The following RAI1 variants were observed in gnomAD, a reference collection of about 807,000 sequenced individuals.
RAI1 encodes retinoic acid induced 1.
A neutral mutation model predicts 123.8 loss-of-function variants in RAI1; 9 were observed. The observed-to-expected ratio is 0.07, with a 90% CI of 0.04 to 0.13. RAI1 has a LOEUF of 0.13. Ranked by LOEUF, RAI1 falls within the 10% of genes least tolerant of loss-of-function variation. RAI1 has a pLI of 1.00. For missense variants in RAI1, 2,256 were observed against 2,545.8 expected (o/e 0.89, Z 2.45); for synonymous variants, 1,231 against 1,127.3 (o/e 1.09, Z -1.84).
At chr17:17,756,128 G>C (rs1397358550) in intron 2 of RAI1, among the ~76,000 whole-genome samples, 1 of 152,174 alleles carries the variant, frequency 6.6e-6, no homozygotes, top group Non-Finnish European at 1.5e-5. Flanking sequence ...GAGTTCTGGA[G>C]CCTGCGAAAC....
At position 17,810,315 on chromosome 17, in the gene RAI1, A is replaced by T. The variant is rs1444873717; in HGVS notation, c.*334A>T. ...GCTCAGCCTCCGGCGAGGGTGGGAG[A>T]CGGCTTTGTCCTGGGGACACTTTCC... On this transcript the variant is annotated 3_prime_UTR_variant, in exon 6 of 6. Transcript: ENST00000353383. This position sits in a 1 kb window ranked among gnomAD's most constrained non-coding sequence, Gnocchi z 4.6. 4.7e-6 allele frequency: 2 copies of T among 425,702 alleles called. No individual in the cohort carries two copies. Among genetic ancestry groups the T allele is most frequent in the East Asian group, 8.3e-5 (2 of 24,168 alleles). 26.4% of individuals were successfully genotyped at this position (425,702 alleles called of 1,614,324 possible).
chr17:17,687,936 A>T (rs903948139), intron 1 of RAI1, among the ~76,000 whole-genome samples: 1 of 151,332 alleles, frequency 6.6e-6, no homozygotes, highest in African/African-American at 2.4e-5. Context: ...AGGCTGAGGC[A>T]CGAGAATCAC....
At chr17:17,709,977 A>G (rs1456462429) in intron 1 of RAI1, among the ~76,000 whole-genome samples, 2 of 152,058 alleles carry the variant, frequency 1.3e-5, no homozygotes. Flanking sequence ...TTCACAGTAC[A>G]CGGACATGCT....
At chr17:17,682,246 C>G (rs1022788566) in intron 1 of RAI1, among the ~76,000 whole-genome samples, 2 of 151,928 alleles carry the variant, frequency 1.3e-5, no homozygotes, top group Admixed American at 6.6e-5. Context: ...CTTCCCCATG[C>G]GTGACCCGGG....
At chr17:17,802,032 G>A (rs1031000916) in intron 3 of RAI1, 16 of 468,954 alleles carry the variant, frequency 3.4e-5, no homozygotes, top group Admixed American at 1.9e-4. Flanking sequence ...CTCACCCCCC[G>A]CCCCCAGCAC....
At position 17,798,489 on chromosome 17, in the gene RAI1, G is replaced by C. The variant is rs754065739; in HGVS notation, c.5541G>C (p.Glu1847Asp). The change falls in exon 3 of 6, where the codon GAG becomes GAC. Residue 1847 changes from glutamate (E) to aspartate (D), a missense_variant. By Grantham distance (45) the Glu-to-Asp change is conservative. Around this residue, in one of 7 missense-constraint regions of RAI1, gnomAD observed 243 missense variants for 316.6 expected, o/e 0.77. Transcript: ENST00000353383. ...CCGGGAAGCTCTTTGGGCTGCAGGA[G>C]GCCATGAAGGTGGCCGTGGACATGG... ...LVAGKLFGLQ[E>D]AMKVAVDMMC... 6.2e-7 allele frequency: 1 copy of C among 1,602,730 alleles called. No homozygotes were observed. The highest frequency in any genetic ancestry group is 8.5e-7 in the Non-Finnish European group (1 of 1,179,898).
chr17:17,768,100 C>T (rs1734302568), intron 2 of RAI1, among the ~76,000 whole-genome samples: 1 of 152,226 alleles, frequency 6.6e-6, no homozygotes. Flanking sequence ...TTGCTGGTAT[C>T]TGTGATGTCA....
intron 2 of RAI1, among the ~76,000 whole-genome samples, chr17:17,738,579 C>G (rs1274482312): frequency 6.6e-6 from 1 of 152,194 alleles, no homozygotes; most frequent in African/African-American, 2.4e-5. Context: ...CTGGGAGAAG[C>G]CATGGGCTTG....
intron 4 of RAI1, among the ~76,000 whole-genome samples, chr17:17,806,297 T>C (rs1427460012): frequency 6.6e-6 from 1 of 152,224 alleles, no homozygotes; most frequent in Non-Finnish European, 1.5e-5. Flanking sequence ...GCAAGAGAAC[T>C]TTTATTTCAG....
intron 2 of RAI1, among the ~76,000 whole-genome samples, chr17:17,781,015 A>G (rs996798513): frequency 2.0e-5 from 3 of 152,058 alleles, no homozygotes; most frequent in Admixed American, 6.5e-5. Context: ...GGAACCTGCC[A>G]GGCTTCTTAC....
At position 17,795,812 on chromosome 17, in the gene RAI1, G is replaced by C; in HGVS notation, c.2864G>C (p.Gly955Ala). ...SLSHMKPGEEGPDGERAPGDS... is the reference protein window; with the variant it reads ...SLSHMKPGEEAPDGERAPGDS... The stretch of plus-strand genomic sequence containing the variant: ...TCACACATGAAGCCAGGTGAAGAGG[G>C]GCCTGATGGGGAGCGAGCTCCAGGG... Residue 955 changes from glycine to alanine, a missense_variant, in exon 3 of 6, where the codon GGG becomes GCG. This residue lies in a region of RAI1 where 566 missense variants were observed against 616.0 expected (regional missense o/e 0.92). Transcript: ENST00000353383. This position sits in a 1 kb window ranked among gnomAD's most constrained non-coding sequence, Gnocchi z 5.9. 6.2e-7 allele frequency: 1 copy of C among 1,613,632 alleles called. No homozygotes were observed.
At chr17:17,805,029 A>G (rs2032568724) in intron 4 of RAI1, among the ~76,000 whole-genome samples, 1 of 151,832 alleles carries the variant, frequency 6.6e-6, no homozygotes, top group Non-Finnish European at 1.5e-5. Flanking sequence ...CGCTCAGCTA[A>G]TTTTTGTATT....
chr17:17,804,474 T>A (rs1171705037), intron 4 of RAI1, among the ~76,000 whole-genome samples: 2 of 152,246 alleles, frequency 1.3e-5, no homozygotes, highest in African/African-American at 4.8e-5. Flanking sequence ...GTGCATGGGC[T>A]GGAGCCACCC....
At position 17,797,967 on chromosome 17, in the gene RAI1, G is replaced by A. The variant is rs550469190; in HGVS notation, c.5019G>A (p.Gly1673=). Residue 1673 remains glycine (G), a synonymous_variant, in exon 3 of 6, where the codon GGG becomes GGA. Transcript: ENST00000353383. Reference sequence around the variant, plus strand: ...CCCTCTCCTCCACGATGCACTTGGGGCCTGTGGTTTCCAAGGCCCTGAGTA... The same window carrying A: ...CCCTCTCCTCCACGATGCACTTGGGACCTGTGGTTTCCAAGGCCCTGAGTA... ...SLPLSSTMHL[G]PVVSKALSTS... 22 of 1,614,098 alleles carry A rather than the reference G, an allele frequency of 1.4e-5. No individual in the cohort carries two copies. The Admixed American group carries it at 3.3e-4, about 24-fold the overall frequency.
intron 2 of RAI1, chr17:17,766,376 T>A (rs1460043082): frequency 6.6e-6 from 1 of 152,114 alleles, no homozygotes; most frequent in East Asian, 1.9e-4. Flanking sequence ...TTTCAGCGCC[T>A]AACAGGAAGA....
intron 2 of RAI1, among the ~76,000 whole-genome samples, chr17:17,781,537 G>A (rs1382196699): frequency 6.6e-6 from 1 of 152,172 alleles, no homozygotes; most frequent in East Asian, 1.9e-4. Context: ...GGGGGCGGAG[G>A]GTAGTCTGAG....
chr17:17,754,513 G>A (rs1326186649), intron 2 of RAI1, among the ~76,000 whole-genome samples: 2 of 152,178 alleles, frequency 1.3e-5, no homozygotes, highest in Non-Finnish European at 2.9e-5. Context: ...TGGGATTATA[G>A]GCATGAGCCA....
At position 17,694,754 on chromosome 17, in the gene RAI1, CG is replaced by C. The variant is rs984481088; in HGVS notation, c.-149+12967del. Among the ~76,000 whole-genome samples the C allele has an allele frequency of 2.2e-4, 33 of 150,134 alleles. 2 individuals are homozygous for C. Among genetic ancestry groups the C allele is most frequent in the Admixed American group, 1.5e-3 (22 of 15,102 alleles). On this transcript the variant is annotated intron_variant, in intron 1 of 5. Transcript: ENST00000353383. ...GGACCTTCGGGGCGCTGAGGCCAGG[CG>C]GGGGGCGAGGCGGGGCGGGCCGCTC...
intron 2 of RAI1, among the ~76,000 whole-genome samples, chr17:17,780,380 T>C (rs2031527466): frequency 6.6e-6 from 1 of 151,996 alleles, no homozygotes; most frequent in Non-Finnish European, 1.5e-5. Flanking sequence ...ACCCTTTTTT[T>C]CTCCCAAGAA....
Sources: gnomAD v4.1 joint callset for allele counts (sites outside exome capture counted in the v4.1 genomes callset) on GRCh38, gnomAD v4.1.1 for gene constraint, gnomAD v4.1.1 regional missense constraint, Gnocchi (gnomAD v3.1) non-coding constraint, MANE v1.5 for transcripts, NCBI Gene and HGNC (gene_info 2026-07-23, HGNC 2026-07-21) for gene names.